ABI3BP: variants seen among roughly 807,000 people sequenced by gnomAD.
ABI3BP encodes the protein ABI family member 3 binding protein.
Under a neutral mutation model 268.6 loss-of-function variants are expected in ABI3BP, and 216 were observed. The ratio of observed to expected loss-of-function variants is 0.80; its 90% CI spans 0.72 to 0.90. The LOEUF (loss-of-function observed/expected upper bound fraction) is 0.90. Among genes scored for constraint, ABI3BP ranks in the 40% least tolerant of loss-of-function variants. The pLI is 0.00. For missense variants in ABI3BP, 2,090 were observed against 2,182.4 expected, an observed-to-expected ratio of 0.96 and a Z score of 0.84; for synonymous variants, 730 against 730.0, an observed-to-expected ratio of 1.00 and a Z score of 0.00.
In ABI3BP at chr3:100,756,290, C is replaced by T. The variant is rs143197446; in HGVS notation, c.4851-1599G>A. ...CTGTAATCCCAGCACTTCGGGAGGC[C>T]GAGGCAGGCAGATCACATGAGGTCC... On this transcript the variant is annotated intron_variant, in intron 63 of 67. Coordinates refer to ENST00000471714, the MANE Select transcript of ABI3BP (RefSeq NM_001375547.2). 8.5e-3 allele frequency among the ~76,000 whole-genome samples: 1,297 copies of T among 152,226 alleles called. 25 individuals carry two copies. Among genetic ancestry groups the T allele is most frequent in the African/African-American group, 0.03 (1,242 of 41,528 alleles).
At chr3:100,905,575 T>A (rs574499149) in intron 2 of ABI3BP, among the ~76,000 whole-genome samples, 4 of 151,980 alleles carry the variant, frequency 2.6e-5, no homozygotes, top group Admixed American at 1.3e-4. Flanking sequence ...AGAAATGAGT[T>A]GAAAGAAGAG....
chr3:100,919,738 G>T (rs1330541069), intron 2 of ABI3BP, among the ~76,000 whole-genome samples: 1 of 152,160 alleles, frequency 6.6e-6, no homozygotes, highest in Non-Finnish European at 1.5e-5. Context: ...AGTAGGACAG[G>T]TCAAAATTCT....
At chr3:100,770,996 A>C in intron 61 of ABI3BP, 44 bp from the exon 62 acceptor site, 14 of 1,419,210 alleles carry the variant, frequency 9.9e-6, no homozygotes, top group African/African-American at 2.9e-5. Flanking sequence ...TTTGAAACTC[A>C]TGAAGAAGAT....
chr3:100,920,996 G>T (rs2060049954), intron 2 of ABI3BP, among the ~76,000 whole-genome samples: 1 of 152,124 alleles, frequency 6.6e-6, no homozygotes, highest in African/African-American at 2.4e-5. Flanking sequence ...TCAGCTTAGA[G>T]CATTTCCAGT....
chr3:100,754,489 A>G (rs1399313264), intron 64 of ABI3BP, 123 bp downstream of exon 64: 4 of 958,368 alleles, frequency 4.2e-6, no homozygotes, highest in Non-Finnish European at 6.3e-6. Flanking sequence ...TTTCCCACAA[A>G]TGGGTTTTTA....
chr3:100,879,976 G>T (rs2099209756), intron 6 of ABI3BP, among the ~76,000 whole-genome samples: 1 of 152,180 alleles, frequency 6.6e-6, no homozygotes, highest in African/African-American at 2.4e-5. Context: ...GGAAAAGTTT[G>T]TTAACCAGAC....
chr3:100,957,755 T>C (rs1402188782), intron 1 of ABI3BP, among the ~76,000 whole-genome samples: 1 of 152,200 alleles, frequency 6.6e-6, no homozygotes, highest in Non-Finnish European at 1.5e-5. Flanking sequence ...GAATCAAACC[T>C]TAAATTTGAC....
chr3:100,960,237 A>G (rs2078541018), intron 1 of ABI3BP, among the ~76,000 whole-genome samples: 1 of 152,228 alleles, frequency 6.6e-6, no homozygotes, highest in African/African-American at 2.4e-5. Context: ...AAGAATGAAG[A>G]CTTTTTTAAA....
At chr3:100,870,108 A>C (rs2099095727) in intron 9 of ABI3BP, among the ~76,000 whole-genome samples, 1 of 152,118 alleles carries the variant, frequency 6.6e-6, no homozygotes, top group South Asian at 2.1e-4. Context: ...TTTGAGTTGC[A>C]GTGATAATTA....
chr3:100,954,060 C>G (rs942722485), intron 1 of ABI3BP, among the ~76,000 whole-genome samples: 1 of 152,168 alleles, frequency 6.6e-6, no homozygotes, highest in Non-Finnish European at 1.5e-5. Context: ...GGTCCAGATA[C>G]AGTGACCTCT....
intron 51 of ABI3BP, among the ~76,000 whole-genome samples, chr3:100,800,136 T>C (rs2152316828): frequency 6.6e-6 from 1 of 152,280 alleles, no homozygotes; most frequent in African/African-American, 2.4e-5. Flanking sequence ...GTTTCCTTTC[T>C]ACCACAATTA....
intron 35 of ABI3BP, among the ~76,000 whole-genome samples, chr3:100,825,431 C>T (rs1246980523): frequency 1.3e-5 from 2 of 151,642 alleles, no homozygotes; most frequent in Non-Finnish European, 2.9e-5. Context: ...TAAGAATAGC[C>T]GTTATTGCCA....
chr3:100,864,224 G>T, intron 11 of ABI3BP, 148 bp from the exon 12 acceptor site: 1 of 637,962 alleles, frequency 1.6e-6, no homozygotes, highest in Non-Finnish European at 2.8e-6. Context: ...CCCTGGAAAA[G>T]TTACATAGCT....
Position 100,808,234 on chromosome 3 carries a change from A to G in ABI3BP, c.3609T>C (p.Ala1203=), listed in dbSNP as rs776376612. Residue 1203 remains alanine (A), a splice_region_variant and synonymous_variant, in exon 50 of 68, where the codon GCT becomes GCC. Coordinates refer to ENST00000471714, the MANE Select transcript of ABI3BP (RefSeq NM_001375547.2). The part of the protein sequence containing the change: ...PSPDEPQTEP[A]PKQTPRAPPK... ...GAGGAGCACGTGGTGTCTGCTTGGG[A>G]GCTAAAAGAAAGGATATAGGTTCGG... The G allele has an allele frequency of 6.2e-7, 1 of 1,607,194 alleles. No individual in the cohort carries two copies. Among genetic ancestry groups the G allele is most frequent in the Non-Finnish European group, 8.5e-7 (1 of 1,176,718 alleles).
intron 1 of ABI3BP, among the ~76,000 whole-genome samples, chr3:100,978,342 T>C (rs887490339): frequency 6.6e-6 from 1 of 152,252 alleles, no homozygotes; most frequent in Non-Finnish European, 1.5e-5. Context: ...GTGTCTTTCT[T>C]CATTGACCTA....
At chr3:100,883,364 A>G (rs954044516) in intron 6 of ABI3BP, among the ~76,000 whole-genome samples, 5 of 152,162 alleles carry the variant, frequency 3.3e-5, no homozygotes, top group African/African-American at 1.2e-4. Flanking sequence ...AACTTAAGCT[A>G]TAACAAATGT....
chr3:100,875,013 T>C (rs1016359930), intron 8 of ABI3BP, 80 bp from the exon 9 acceptor site: 3 of 778,210 alleles, frequency 3.9e-6, no homozygotes, highest in South Asian at 1.9e-5. Context: ...CATCAGATAT[T>C]ACAAACTATG....
rs1455155968 is a variant in ABI3BP at position 100,976,731 on chromosome 3, AG to A, written c.79+16574del. ...GGAGATGAAAGCTTGGCCTGATCCA[AG>A]TTTGTCCCAGGAGGCCCATTTGTTC... On this transcript the variant is annotated intron_variant, in intron 1 of 67. Coordinates refer to ENST00000471714, the MANE Select transcript of ABI3BP (RefSeq NM_001375547.2). Among the ~76,000 whole-genome samples, 5 of 152,206 alleles carry A rather than the reference AG, an allele frequency of 3.3e-5. 1 individual carries two copies. The highest frequency in any genetic ancestry group is 3.9e-4 in the East Asian group (2 of 5,186).
intron 1 of ABI3BP, among the ~76,000 whole-genome samples, chr3:100,926,945 G>C (rs1012364389): frequency 6.6e-6 from 1 of 152,126 alleles, no homozygotes; most frequent in African/African-American, 2.4e-5. Flanking sequence ...TTTTGTCTTA[G>C]GGATAACTGA....
Sources: gnomAD v4.1 joint callset for allele counts (sites outside exome capture counted in the v4.1 genomes callset) on GRCh38, gnomAD v4.1.1 for gene constraint, MANE v1.5 for transcripts, NCBI Gene and HGNC (gene_info 2026-07-23, HGNC 2026-07-21) for gene names.